The following NOX1 variants were observed in gnomAD, a reference collection of about 807,000 sequenced individuals.
NOX1 encodes NADPH oxidase 1, also known as NADH/NADPH mitogenic oxidase subunit P65-MOX.
NOX1 carries 34 observed loss-of-function variants against 42.5 expected under a neutral mutation model. That is an observed-to-expected ratio of 0.80 (90% CI 0.61 to 1.07). The LOEUF (loss-of-function observed/expected upper bound fraction) is 1.07, where lower values mean the gene tolerates loss of function less well. Among genes scored for constraint, NOX1 ranks in the 50% least tolerant of loss-of-function variants. The probability of loss-of-function intolerance (pLI) is 0.00; values close to 1 mark genes in which losing one functional copy is unlikely to be tolerated. For missense variants in NOX1, 408 were observed against 427.0 expected (o/e 0.96, Z 0.39); for synonymous variants, 143 against 152.5 (o/e 0.94, Z 0.46).
At chrX:100,861,128 C>T (rs2085200522) in intron 7 of NOX1, among the ~76,000 whole-genome samples, 1 of 111,385 alleles carries the variant, frequency 9.0e-6, no homozygotes, top group South Asian at 3.8e-4. Context: ...TCCTCCACTT[C>T]AGTATTAGAA....
intron 12 of NOX1, among the ~76,000 whole-genome samples, chrX:100,845,613 T>G (rs1236761024): frequency 1.1e-4 from 2 of 18,574 alleles, no homozygotes; most frequent in African/African-American, 3.1e-4. Context: ...AACTATGTGT[T>G]TTTTTTTTTT....
At chrX:100,865,197 C>T (rs1444007590) in intron 2 of NOX1, among the ~76,000 whole-genome samples, 1 of 112,092 alleles carries the variant, frequency 8.9e-6, no homozygotes, top group African/African-American at 3.2e-5. Flanking sequence ...ACAGCCTGTT[C>T]CACTTCTGAG....
At chrX:100,872,663 A>G (rs899863660) in intron 1 of NOX1, among the ~76,000 whole-genome samples, 4 of 109,984 alleles carry the variant, frequency 3.6e-5, no homozygotes, top group Non-Finnish European at 7.6e-5. Flanking sequence ...AGAGAGGGGG[A>G]AAAAATGCAG....
At chrX:100,851,730 T>C (rs2085115836) in intron 7 of NOX1, among the ~76,000 whole-genome samples, 1 of 110,818 alleles carries the variant, frequency 9.0e-6, no homozygotes, top group South Asian at 3.8e-4. Flanking sequence ...CTGGGCAACA[T>C]AGCGAAACCC....
intron 8 of NOX1, 44 bp from the exon 9 acceptor site, chrX:100,850,430 C>T (rs752842841): frequency 1.6e-5 from 14 of 859,346 alleles, no homozygotes; most frequent in Middle Eastern, 2.8e-4. Flanking sequence ...ACTCTAATGA[C>T]GACAGGGACA....
At chrX:100,845,276 C>T (rs2085064814) in intron 12 of NOX1, among the ~76,000 whole-genome samples, 1 of 111,662 alleles carries the variant, frequency 9.0e-6, no homozygotes, top group Non-Finnish European at 1.9e-5. Flanking sequence ...GTGGGTATGC[C>T]TATCCTGAAT....
intron 1 of NOX1, among the ~76,000 whole-genome samples, chrX:100,871,967 C>G (rs1442959149): frequency 8.9e-6 from 1 of 112,113 alleles, no homozygotes; most frequent in East Asian, 2.8e-4. Context: ...TTCTAAACCT[C>G]AATTTCTTCA....
chrX:100,863,238 G>A lies in NOX1; in HGVS notation c.258C>T (p.Cys86=). 1 of 1,191,381 alleles carries A rather than the reference G, an allele frequency of 8.4e-7. No individual in the cohort carries two copies. Among genetic ancestry groups the A allele is most frequent in the Non-Finnish European group, 1.1e-6 (1 of 877,064 alleles). ...LSFLRGTCSF[C]SRTLRKQLDH... ...CCAATTGCTTTCTCAGTGTGCGGCT[G>A]CAAAACTACAAATGTAGAATGATCA... Residue 86 remains cysteine, a synonymous_variant, in exon 4 of 13, where the codon TGC becomes TGT. Transcript: ENST00000372966.
intron 7 of NOX1, among the ~76,000 whole-genome samples, chrX:100,857,600 G>T (rs1241017367): frequency 1.8e-5 from 2 of 111,520 alleles, no homozygotes; most frequent in Admixed American, 1.9e-4. Flanking sequence ...GTGTCATTGT[G>T]GTTTGGATTT....
rs375358255 is a variant in NOX1, at chrX:100,843,947, A to G, written c.*5T>C. 2 of 1,199,169 alleles carry G rather than the reference A, an allele frequency of 1.7e-6. No homozygotes were observed. The highest frequency in any genetic ancestry group is 3.5e-5 in the African/African-American group (2 of 57,054). On this transcript the variant is annotated 3_prime_UTR_variant, in exon 13 of 13. Coordinates refer to ENST00000372966, the MANE Select transcript of NOX1 (RefSeq NM_007052.5). ...AATGCAGATTACCGTCCTTATTCCT[A>G]TAACTCAAAAATTTTCTTTGTTGAA...
At chrX:100,853,288 T>C (rs866120458) in intron 7 of NOX1, among the ~76,000 whole-genome samples, 19 of 69,664 alleles carry the variant, frequency 2.7e-4, no homozygotes, top group African/African-American at 1.2e-3. Flanking sequence ...CTTTCTTTCT[T>C]TCTTTCTTTC....
rs1217406502 is a variant in NOX1 at position 100,862,663 on chromosome X, A to G, written c.489+6T>C. On this transcript the variant is annotated splice_donor_region_variant and intron_variant, in intron 5 of 12. Coordinates refer to ENST00000372966, the MANE Select transcript of NOX1 (RefSeq NM_007052.5). ...TCTCAGATGCTTTGCTAGAAAGTCA[A>G]CTCACCGTGTTTCGGGACTGGATGG... 1.7e-6 allele frequency: 2 copies of G among 1,191,956 alleles called. No individual in the cohort carries two copies. The highest frequency in any genetic ancestry group is 1.9e-5 in the South Asian group (1 of 53,538).
At chrX:100,845,885 G>C (rs947461493) in intron 12 of NOX1, among the ~76,000 whole-genome samples, 1 of 108,311 alleles carries the variant, frequency 9.2e-6, no homozygotes, top group African/African-American at 3.4e-5. Flanking sequence ...CTGGGTTCAC[G>C]CCACTCTCCT....
At chrX:100,857,631 G>A (rs1047489699) in intron 7 of NOX1, among the ~76,000 whole-genome samples, 2 of 111,346 alleles carry the variant, frequency 1.8e-5, no homozygotes, top group African/African-American at 3.3e-5. Context: ...AATGATCGGC[G>A]ATGTTGAGCA....
chrX:100,854,320 G>C (rs2085152306), intron 7 of NOX1, among the ~76,000 whole-genome samples: 1 of 111,582 alleles, frequency 9.0e-6, no homozygotes, highest in South Asian at 3.8e-4. Context: ...GGGTGAATAT[G>C]GAGAGAGTAT....
chrX:100,859,907 T>C (rs1211605911), intron 7 of NOX1, among the ~76,000 whole-genome samples: 2 of 109,808 alleles, frequency 1.8e-5, no homozygotes, highest in African/African-American at 3.3e-5. Flanking sequence ...ATCTATCTTA[T>C]TAGAAAATTA....
chrX:100,843,865 A>C lies in NOX1; in HGVS notation c.*87T>G, dbSNP rs1448463461. On this transcript the variant is annotated 3_prime_UTR_variant, in exon 13 of 13. Coordinates refer to ENST00000372966, the MANE Select transcript of NOX1 (RefSeq NM_007052.5). ...GCTTGAGAGGCACATTCTTATCCTA[A>C]AGTGACTGCTCAAACCTGACGAGAC... 1 of 826,078 alleles carries C rather than the reference A, an allele frequency of 1.2e-6. No homozygotes were observed. Among genetic ancestry groups the C allele is most frequent in the Non-Finnish European group, 1.7e-6 (1 of 574,355 alleles). The allele number at this position is 826,078 out of a possible 1,213,427, so 68.1% of individuals were successfully genotyped here. A position where few individuals can be genotyped will look rare whatever the true frequency, so the allele number is the denominator to read the frequency against.
chrX:100,845,064 T>C (rs192674726), intron 12 of NOX1, among the ~76,000 whole-genome samples: 1 of 111,788 alleles, frequency 8.9e-6, no homozygotes, highest in Non-Finnish European at 1.9e-5. Flanking sequence ...AATTATGGTA[T>C]AGTTTCTATA....
chrX:100,849,233 A>G, intron 11 of NOX1, 47 bp downstream of exon 11: 1 of 1,178,317 alleles, frequency 8.5e-7, no homozygotes, highest in Non-Finnish European at 1.2e-6. Context: ...TTTGTCTGAC[A>G]TTCGTCTTAT....
Sources: allele counts gnomAD v4.1 joint callset (sites outside exome capture counted in the v4.1 genomes callset), GRCh38; gene constraint gnomAD v4.1.1; transcripts MANE v1.5; gene names NCBI Gene and HGNC (gene_info 2026-07-23, HGNC 2026-07-21).